The following MAML3 variants were observed in gnomAD, a reference collection of about 807,000 sequenced individuals.
MAML3 encodes mastermind-like protein 3.
Under a neutral mutation model 101.9 loss-of-function variants are expected in MAML3, and 27 were observed. That is an observed-to-expected ratio of 0.27 (90% CI 0.20 to 0.37). The LOEUF is 0.37. MAML3 is among the 10% of genes least tolerant of loss of function. The pLI, the probability that MAML3 is intolerant of heterozygous loss-of-function variation, is 1.00. For missense variants in MAML3, 1,316 were observed against 1,444.9 expected (o/e 0.91, Z 1.45); for synonymous variants, 501 against 555.9 (o/e 0.90, Z 1.39).
intron 2 of MAML3, among the ~76,000 whole-genome samples, chr4:139,798,588 T>G (rs1221281828): frequency 6.6e-6 from 1 of 152,206 alleles, no homozygotes; most frequent in Non-Finnish European, 1.5e-5. Flanking sequence ...CCCTGATCAC[T>G]GGTCATGATG....
At chr4:139,922,137 C>T (rs1294307243) in intron 1 of MAML3, among the ~76,000 whole-genome samples, 1 of 152,086 alleles carries the variant, frequency 6.6e-6, no homozygotes, top group Non-Finnish European at 1.5e-5. Context: ...TTTAAGCCAG[C>T]CTGTTAGTAA....
intron 3 of MAML3, among the ~76,000 whole-genome samples, chr4:139,727,046 GT>G (rs1728503037): frequency 6.6e-6 from 1 of 152,178 alleles, no homozygotes; most frequent in South Asian, 2.1e-4. Flanking sequence ...GTTCTTTAGA[GT>G]GTTCATTATA....
chr4:140,122,531 G>A (rs1332871791), intron 1 of MAML3, among the ~76,000 whole-genome samples: 2 of 152,016 alleles, frequency 1.3e-5, no homozygotes, highest in Non-Finnish European at 1.5e-5. Context: ...GGTGGCTCAC[G>A]CCTGTAATCC....
At chr4:140,142,265 G>A (rs562059838) in intron 1 of MAML3, among the ~76,000 whole-genome samples, 102 of 152,284 alleles carry the variant, frequency 6.7e-4, no homozygotes, top group Middle Eastern at 3.4e-3. Context: ...ATATGTAAGT[G>A]AACAGAAGAG....
chr4:139,867,909 CTT>C (rs1731930644), intron 2 of MAML3, among the ~76,000 whole-genome samples: 1 of 152,232 alleles, frequency 6.6e-6, no homozygotes, highest in South Asian at 2.1e-4. Context: ...CCCCGGGACT[CTT>C]AAACAAAAAT....
At chr4:139,937,103 T>C (rs1733522553) in intron 1 of MAML3, among the ~76,000 whole-genome samples, 1 of 152,220 alleles carries the variant, frequency 6.6e-6, no homozygotes, top group South Asian at 2.1e-4. Flanking sequence ...TGCTAACCTG[T>C]CTTTCTTGCT....
At chr4:139,798,025 GGA>G (rs373492658) in intron 2 of MAML3, among the ~76,000 whole-genome samples, 1 of 128,744 alleles carries the variant, frequency 7.8e-6, no homozygotes, top group Non-Finnish European at 1.6e-5. Context: ...AGGAAAGAAA[GGA>G]GAGAGAGAGA....
intron 1 of MAML3, among the ~76,000 whole-genome samples, chr4:140,026,316 G>A (rs572984802): frequency 3.9e-5 from 6 of 152,154 alleles, no homozygotes; most frequent in Admixed American, 6.5e-5. Flanking sequence ...GTGCAGTGGC[G>A]TGATCTTGGC....
chr4:139,830,478 G>A (rs1294019005), intron 2 of MAML3, among the ~76,000 whole-genome samples: 2 of 144,706 alleles, frequency 1.4e-5, no homozygotes, highest in Admixed American at 7.0e-5. Flanking sequence ...GCAGTGGTGC[G>A]ATCTCGGCTC....
At chr4:139,988,244 T>C (rs1193084214) in intron 1 of MAML3, among the ~76,000 whole-genome samples, 1 of 144,408 alleles carries the variant, frequency 6.9e-6, no homozygotes, top group African/African-American at 2.6e-5. Flanking sequence ...GAAGAAACAC[T>C]GAATCCTGGG....
intron 1 of MAML3, among the ~76,000 whole-genome samples, chr4:139,909,581 G>A (rs748782759): frequency 3.9e-5 from 6 of 151,966 alleles, no homozygotes; most frequent in Non-Finnish European, 5.9e-5. Flanking sequence ...GCGGTGGCCC[G>A]CACCTGTAAT....
chr4:139,919,099 G>A (rs561458261), intron 1 of MAML3, among the ~76,000 whole-genome samples: 1 of 152,090 alleles, frequency 6.6e-6, no homozygotes, highest in Non-Finnish European at 1.5e-5. Context: ...TTTCCTCTGA[G>A]GGCTCTCAGA....
chr4:140,086,126 A>G (rs192020510), intron 1 of MAML3, among the ~76,000 whole-genome samples: 233 of 152,328 alleles, frequency 1.5e-3, no homozygotes, highest in African/African-American at 5.2e-3. Flanking sequence ...TTGTTTTCCA[A>G]TTTAAGAGGA....
In MAML3 at chr4:139,748,203, A is replaced by C. The variant is rs540687792; in HGVS notation, c.2080-17536T>G. On this transcript the variant is annotated intron_variant, in intron 2 of 4. Coordinates refer to ENST00000509479, the MANE Select transcript of MAML3 (RefSeq NM_018717.5). ...TCTAAGAGGGCCTCCATCTCTTTAC[A>C]TTGTCCAGGGCCTAAACAGGAAGAT... 5.3e-5 allele frequency among the ~76,000 whole-genome samples: 8 copies of C among 152,222 alleles called. No individual in the cohort carries two copies. In the South Asian group the frequency reaches 1.7e-3, roughly 32 times the overall value.
intron 2 of MAML3, among the ~76,000 whole-genome samples, chr4:139,818,126 C>T (rs1730920743): frequency 6.6e-6 from 1 of 152,206 alleles, no homozygotes; most frequent in South Asian, 2.1e-4. Flanking sequence ...CCAGGTGATG[C>T]TGATCCTGCT....
chr4:140,143,618 G>A (rs1029045251), intron 1 of MAML3, among the ~76,000 whole-genome samples: 4 of 152,046 alleles, frequency 2.6e-5, no homozygotes, highest in Non-Finnish European at 4.4e-5. Context: ...AAAATTAGCC[G>A]GGCGTGGTGG....
chr4:139,766,735 A>G (rs1249651405), intron 2 of MAML3, among the ~76,000 whole-genome samples: 1 of 152,210 alleles, frequency 6.6e-6, no homozygotes, highest in Non-Finnish European at 1.5e-5. Flanking sequence ...CTATTTGATA[A>G]AGAGGTAAAT....
At chr4:140,085,364 G>T (rs555488549) in intron 1 of MAML3, among the ~76,000 whole-genome samples, 1 of 152,234 alleles carries the variant, frequency 6.6e-6, no homozygotes, top group Admixed American at 6.5e-5. Context: ...TGTTTCCCAG[G>T]GGACAGAGCG....
intron 1 of MAML3, among the ~76,000 whole-genome samples, chr4:140,079,231 T>C (rs1727826812): frequency 6.6e-6 from 1 of 152,174 alleles, no homozygotes. Flanking sequence ...GATTTGTGAA[T>C]GAACATCCTT....
Sources: allele counts gnomAD v4.1 joint callset (sites outside exome capture counted in the v4.1 genomes callset), GRCh38; gene constraint gnomAD v4.1.1; transcripts MANE v1.5; gene names NCBI Gene and HGNC (gene_info 2026-07-23, HGNC 2026-07-21).